The following CBFA2T2 variants were observed in gnomAD, a reference collection of about 807,000 sequenced individuals.
CBFA2T2 encodes protein CBFA2T2.
CBFA2T2 carries 11 observed loss-of-function variants against 62.2 expected under a neutral mutation model. The observed-to-expected ratio is 0.18, with a 90% CI of 0.11 to 0.29. The LOEUF is 0.29. CBFA2T2 is among the 10% of genes least tolerant of loss of function. The probability of loss-of-function intolerance (pLI) is 1.00; values close to 1 mark genes in which losing one functional copy is unlikely to be tolerated. For missense variants in CBFA2T2, 592 were observed against 774.1 expected (o/e 0.76, Z 2.79); for synonymous variants, 295 against 287.5 (o/e 1.03, Z -0.27).
In CBFA2T2 at chr20:33,628,417, A is replaced by G. The variant is rs765842502; in HGVS notation, c.1014A>G (p.Glu338=). The change falls in exon 7 of 11, where the codon GAA becomes GAG. Residue 338 remains glutamate (E), a synonymous_variant. Coordinates refer to ENST00000342704, the MANE Select transcript of CBFA2T2 (RefSeq NM_001032999.3). The part of the protein sequence containing the change: ...HRLTEREWAD[E]WKHLDHALNC... ...TGACAGAAAGGGAATGGGCTGATGA[A>G]TGGAAACATCTTGACCATGTAAGAA... is the stretch of plus-strand genomic sequence containing the variant. 2.5e-6 allele frequency: 4 copies of G among 1,611,396 alleles called. No homozygotes were observed. The highest frequency in any genetic ancestry group is 1.7e-5 in the Admixed American group (1 of 60,018).
intron 1 of CBFA2T2, among the ~76,000 whole-genome samples, chr20:33,500,118 C>T (rs536170425): frequency 7.9e-5 from 12 of 151,976 alleles, no homozygotes; most frequent in African/African-American, 1.7e-4. Flanking sequence ...TCACCACACC[C>T]GGCTAATTTT....
rs2017192671 is a variant in CBFA2T2 at position 33,649,941 on chromosome 20, T to C, written c.*5295T>C. 1 of 152,702 alleles carries C rather than the reference T, an allele frequency of 6.5e-6. No homozygotes were observed. Among genetic ancestry groups the C allele is most frequent in the Non-Finnish European group, 1.5e-5 (1 of 68,046 alleles). 9.5% of individuals were successfully genotyped at this position (152,702 alleles called of 1,614,324 possible). On this transcript the variant is annotated 3_prime_UTR_variant, in exon 11 of 11. Transcript: ENST00000342704. ...TTGTTACCTAACTCTGTGCATAACT[T>C]ATTTAATGTACTGTATAAATGAACC...
At chr20:33,573,516 CTA>C (rs1486697311) in intron 1 of CBFA2T2, among the ~76,000 whole-genome samples, 1 of 151,578 alleles carries the variant, frequency 6.6e-6, no homozygotes, top group Non-Finnish European at 1.5e-5. Context: ...GAGTCTCGCT[CTA>C]TCGCCCAGGC....
rs2012523030 is a variant in CBFA2T2 at position 33,545,316 on chromosome 20, A to G, written c.34+55015A>G. Among the ~76,000 whole-genome samples the G allele has an allele frequency of 2.0e-5, 3 of 152,222 alleles. No homozygotes were observed. In the South Asian group the frequency reaches 6.2e-4, roughly 32 times the overall value. ...ATGCCACTAGATAATTTTTGATCTT[A>G]ATTCATTCCTGTGGAACACTTAACT... On this transcript the variant is annotated intron_variant, in intron 1 of 10. Transcript: ENST00000342704.
At chr20:33,633,384 AT>A (rs1433812798) in intron 8 of CBFA2T2, among the ~76,000 whole-genome samples, 41 of 139,982 alleles carry the variant, frequency 2.9e-4, no homozygotes, top group African/African-American at 9.6e-4. Context: ...AAAAAAATAA[AT>A]AAATAAATAA....
intron 1 of CBFA2T2, among the ~76,000 whole-genome samples, chr20:33,563,882 C>T (rs1288118765): frequency 6.6e-6 from 1 of 152,112 alleles, no homozygotes; most frequent in Non-Finnish European, 1.5e-5. Context: ...TCTTGCTGTA[C>T]TCGTCTCAGA....
At position 33,634,018 on chromosome 20, in the gene CBFA2T2, G is replaced by C. The variant is rs181311998; in HGVS notation, c.1229-2622G>C. 2.6e-5 allele frequency among the ~76,000 whole-genome samples: 4 copies of C among 152,062 alleles called. No homozygotes were observed. In the South Asian group the frequency reaches 8.3e-4, roughly 32 times the overall value. The stretch of plus-strand genomic sequence containing the variant: ...GAGTCTCGCTCTGTCACCTAGGCTG[G>C]AGTACAGTGGTGCAGTCTCGGCTCA... On this transcript the variant is annotated intron_variant, in intron 8 of 10. Coordinates refer to ENST00000342704, the MANE Select transcript of CBFA2T2 (RefSeq NM_001032999.3).
At chr20:33,634,670 CAAAAAAAAAAAAAA>C (rs758089440) in intron 8 of CBFA2T2, among the ~76,000 whole-genome samples, 5 of 47,874 alleles carry the variant, frequency 1.0e-4, no homozygotes, top group African/African-American at 1.6e-4. Flanking sequence ...ACCCTATGTC[CAAAAAAAAAAAAAA>C]AAAAAAAAAA....
chr20:33,620,059 C>T (rs1288578139), intron 4 of CBFA2T2, among the ~76,000 whole-genome samples: 1 of 152,138 alleles, frequency 6.6e-6, no homozygotes, highest in African/African-American at 2.4e-5. Flanking sequence ...TTGTGTCTCC[C>T]CGAACCCCAG....
intron 1 of CBFA2T2, among the ~76,000 whole-genome samples, chr20:33,518,021 T>C (rs1568796227): frequency 6.6e-6 from 1 of 151,998 alleles, no homozygotes; most frequent in Non-Finnish European, 1.5e-5. Context: ...CAATCTCGGC[T>C]CACTGCAACC....
chr20:33,515,274 C>T (rs957494145), intron 1 of CBFA2T2, among the ~76,000 whole-genome samples: 1 of 148,772 alleles, frequency 6.7e-6, no homozygotes, highest in Non-Finnish European at 1.5e-5. Flanking sequence ...TTGCTTGAAA[C>T]CTGGAGGTGG....
At chr20:33,589,182 T>C (rs1338467066) in intron 1 of CBFA2T2, among the ~76,000 whole-genome samples, 3 of 152,170 alleles carry the variant, frequency 2.0e-5, no homozygotes, top group Admixed American at 6.6e-5. Context: ...GTTGGAGCTG[T>C]GGGAGATGCA....
At chr20:33,494,426 T>C (rs6141955) in intron 1 of CBFA2T2, among the ~76,000 whole-genome samples, 145,815 of 147,006 alleles carry the variant, frequency 0.99, 72,323 homozygotes, top group Middle Eastern at 1. Context: ...GGACTACAGG[T>C]GCCCGCCGCC....
At chr20:33,506,148 C>G (rs1365529955) in intron 1 of CBFA2T2, among the ~76,000 whole-genome samples, 2 of 151,846 alleles carry the variant, frequency 1.3e-5, no homozygotes, top group Non-Finnish European at 2.9e-5. Flanking sequence ...TGGCTCAAGC[C>G]TATAATCCCA....
At position 33,618,380 on chromosome 20, in the gene CBFA2T2, T is replaced by C. The variant is rs569946999; in HGVS notation, c.421-1137T>C. On this transcript the variant is annotated intron_variant, in intron 3 of 10. Transcript: ENST00000342704. ...TTTAATTTGTTATCATACAGTGTTA[T>C]CGGCAATTGAAATACAAATATTGTG... 2.0e-5 allele frequency: 3 copies of C among 152,360 alleles called. No homozygotes were observed. In the East Asian group the frequency reaches 5.8e-4, roughly 29 times the overall value. The allele number at this position is 152,360 out of a possible 1,614,324, so 9.4% of individuals were successfully genotyped here.
chr20:33,580,625 C>T, intron 1 of CBFA2T2, among the ~76,000 whole-genome samples: 1 of 152,138 alleles, frequency 6.6e-6, no homozygotes, highest in East Asian at 1.9e-4. Flanking sequence ...CCCAGGTGGG[C>T]AGATCACTTG....
chr20:33,536,860 C>A (rs1379709145), intron 1 of CBFA2T2, among the ~76,000 whole-genome samples: 1 of 145,270 alleles, frequency 6.9e-6, no homozygotes, highest in Non-Finnish European at 1.5e-5. Flanking sequence ...GGCGGCTGGG[C>A]AGAGACGCTC....
In CBFA2T2 at chr20:33,494,273, A is replaced by AT. The variant is rs1156307604; in HGVS notation, c.34+3998dup. Reference sequence around the variant, plus strand: ...TATATATATATATATATATATATATATTTTTTTTTTTTTTTTTTTTTTTTT... The same window carrying AT: ...TATATATATATATATATATATATATATTTTTTTTTTTTTTTTTTTTTTTTTT... On this transcript the variant is annotated intron_variant, in intron 1 of 10. Transcript: ENST00000342704. 1.1e-3 allele frequency among the ~76,000 whole-genome samples: 23 copies of AT among 21,360 alleles called. 1 individual carries two copies. The highest frequency in any genetic ancestry group is 2.4e-3 in the Admixed American group (2 of 832). 14.0% of individuals were successfully genotyped at this position (21,360 alleles called of 152,430 possible).
intron 1 of CBFA2T2, among the ~76,000 whole-genome samples, chr20:33,596,934 TTTTC>T (rs1260376352): frequency 6.0e-5 from 9 of 151,152 alleles, no homozygotes; most frequent in Non-Finnish European, 1.2e-4. Context: ...TTTTTTTTTT[TTTTC>T]TTTCTTTTTT....
Sources: gnomAD v4.1 joint callset for allele counts (sites outside exome capture counted in the v4.1 genomes callset) on GRCh38, gnomAD v4.1.1 for gene constraint, MANE v1.5 for transcripts, NCBI Gene and HGNC (gene_info 2026-07-23, HGNC 2026-07-21) for gene names.